Variants in PPP4R3B observed in about 807,000 individuals in gnomAD.
The protein encoded by PPP4R3B is protein phosphatase 4 regulatory subunit 3B.
Under a neutral mutation model 95.4 loss-of-function variants are expected in PPP4R3B, and 52 were observed. The observed-to-expected ratio is 0.54, with a 90% CI of 0.44 to 0.69. The LOEUF is 0.69. PPP4R3B is among the 30% of genes least tolerant of loss of function. The pLI is 0.00. For synonymous variants in PPP4R3B, 407 were observed against 343.9 expected, an observed-to-expected ratio of 1.18 and a Z score of -2.03; for missense variants, 1,003 against 1,005.9, an observed-to-expected ratio of 1.00 and a Z score of 0.04.
intron 12 of PPP4R3B, among the ~76,000 whole-genome samples, chr2:55,573,309 C>T (rs969290328): frequency 6.6e-6 from 1 of 152,060 alleles, no homozygotes; most frequent in African/African-American, 2.4e-5. Context: ...GAGTGACTGA[C>T]TACTAAATGA....
intron 12 of PPP4R3B, among the ~76,000 whole-genome samples, chr2:55,571,375 G>A (rs1259252423): frequency 6.6e-6 from 1 of 152,108 alleles, no homozygotes; most frequent in Non-Finnish European, 1.5e-5. Flanking sequence ...TGCAGTCATC[G>A]AAAAGTACTA....
intron 10 of PPP4R3B, 48 bp from the exon 11 acceptor site, chr2:55,577,404 C>T (rs997278068): frequency 4.4e-6 from 6 of 1,369,798 alleles, no homozygotes; most frequent in African/African-American, 3.0e-5. Flanking sequence ...GTAATAATAT[C>T]CCAGATTTCC....
At chr2:55,593,001 A>G (rs1691250371) in intron 4 of PPP4R3B, among the ~76,000 whole-genome samples, 1 of 152,122 alleles carries the variant, frequency 6.6e-6, no homozygotes, top group African/African-American at 2.4e-5. Context: ...TATACTAAAA[A>G]TACAAAAATT....
At chr2:55,572,298 T>A (rs1417130770) in intron 12 of PPP4R3B, among the ~76,000 whole-genome samples, 1 of 152,178 alleles carries the variant, frequency 6.6e-6, no homozygotes, top group Non-Finnish European at 1.5e-5. Context: ...CATAAGGAAA[T>A]TTTAAAGTTA....
rs1463824969 is a variant in PPP4R3B, at chr2:55,549,418, A to AT, written c.*492dup. 1.3e-5 allele frequency: 2 copies of AT among 153,436 alleles called. No individual in the cohort carries two copies. Among genetic ancestry groups the AT allele is most frequent in the Non-Finnish European group, 2.9e-5 (2 of 68,598 alleles). The allele number at this position is 153,436 out of a possible 1,614,324, so 9.5% of individuals were successfully genotyped here. ...GAAATGGTCCCAACAGCTTAACTTC[A>AT]TTTTTTTAATGATAGTTGAATGTGT... On this transcript the variant is annotated 3_prime_UTR_variant, in exon 17 of 17. Transcript: ENST00000616407.
intron 4 of PPP4R3B, among the ~76,000 whole-genome samples, chr2:55,595,213 G>T (rs1387388429): frequency 1.3e-5 from 2 of 151,708 alleles, no homozygotes; most frequent in Non-Finnish European, 1.5e-5. Context: ...TAGTAGAGAT[G>T]GAGTTTCGCC....
chr2:55,609,787 A>T (rs754760370), intron 2 of PPP4R3B, among the ~76,000 whole-genome samples: 3 of 152,152 alleles, frequency 2.0e-5, no homozygotes, highest in Non-Finnish European at 4.4e-5. Context: ...ACAGTATGCT[A>T]CCAGTTATAC....
At chr2:55,555,707 A>G (rs1685764419) in intron 16 of PPP4R3B, among the ~76,000 whole-genome samples, 1 of 152,242 alleles carries the variant, frequency 6.6e-6, no homozygotes, top group Non-Finnish European at 1.5e-5. Context: ...AAAAGCTGCA[A>G]ACAACTTTAA....
At chr2:55,554,222 G>A (rs371998600) in intron 16 of PPP4R3B, among the ~76,000 whole-genome samples, 4 of 152,128 alleles carry the variant, frequency 2.6e-5, no homozygotes, top group Admixed American at 2.0e-4. Context: ...GTGCCACCAT[G>A]TCCAGCTAAT....
intron 3 of PPP4R3B, among the ~76,000 whole-genome samples, chr2:55,602,498 T>TG: frequency 6.6e-6 from 1 of 152,286 alleles, no homozygotes; most frequent in East Asian, 1.9e-4. Flanking sequence ...TGCTATGTGG[T>TG]GGGGGCCTTG....
chr2:55,552,107 G>C (rs900909828), intron 16 of PPP4R3B, among the ~76,000 whole-genome samples: 11 of 152,076 alleles, frequency 7.2e-5, no homozygotes, highest in African/African-American at 2.7e-4. Context: ...TACAATTTGA[G>C]TTTTACTTAT....
chr2:55,581,541 AT>A, intron 8 of PPP4R3B, 25 bp downstream of exon 8: 1 of 1,600,248 alleles, frequency 6.2e-7, no homozygotes. Context: ...AGGCCAAAAC[AT>A]TTTTATCTCA....
chr2:55,592,475 C>A (rs547463693), intron 4 of PPP4R3B, among the ~76,000 whole-genome samples: 2 of 152,204 alleles, frequency 1.3e-5, no homozygotes, highest in East Asian at 3.9e-4. Context: ...GTACTTGAAT[C>A]CAAAGAAAAA....
intron 4 of PPP4R3B, among the ~76,000 whole-genome samples, chr2:55,589,672 T>C (rs1281192110): frequency 1.3e-5 from 2 of 151,874 alleles, no homozygotes; most frequent in African/African-American, 2.4e-5. Context: ...TCCCAGCACT[T>C]TGGAAGGCCG....
intron 4 of PPP4R3B, chr2:55,591,401 C>A (rs1412963385): frequency 2.2e-6 from 1 of 456,344 alleles, no homozygotes; most frequent in Admixed American, 6.4e-5. Flanking sequence ...CCTCAGCCTC[C>A]CAAAGTGCTA....
intron 2 of PPP4R3B, among the ~76,000 whole-genome samples, chr2:55,612,718 G>T (rs1694340901): frequency 6.6e-6 from 1 of 152,136 alleles, no homozygotes; most frequent in Non-Finnish European, 1.5e-5. Flanking sequence ...GCCGAGGCGG[G>T]CGGATCACGA....
chr2:55,593,512 T>C (rs1187640267), intron 4 of PPP4R3B, among the ~76,000 whole-genome samples: 1 of 152,172 alleles, frequency 6.6e-6, no homozygotes, highest in South Asian at 2.1e-4. Flanking sequence ...CACAGGTAAG[T>C]GTACTAGATA....
At chr2:55,579,172 G>C (rs57883523) in intron 9 of PPP4R3B, among the ~76,000 whole-genome samples, 3,933 of 152,028 alleles carry the variant, frequency 0.026, 167 homozygotes, top group African/African-American at 0.089. Context: ...TACGGGTGCC[G>C]ATTACATAAG....
In PPP4R3B at chr2:55,605,077, T is replaced by C. The variant is rs951314954; in HGVS notation, c.199-1001A>G. ...AACTCCAACTCCTGGGCTCAAGCGA[T>C]CCGCCTGCCTCGACCTCCCAAAGTG... is the stretch of plus-strand genomic sequence containing the variant. On this transcript the variant is annotated intron_variant, in intron 2 of 16. Transcript: ENST00000616407. Among the ~76,000 whole-genome samples, 8 of 152,184 alleles carry C rather than the reference T, an allele frequency of 5.3e-5. No homozygotes were observed. In the East Asian group the frequency reaches 1.5e-3, roughly 29 times the overall value.
Sources: gnomAD v4.1 joint callset for allele counts (sites outside exome capture counted in the v4.1 genomes callset) on GRCh38, gnomAD v4.1.1 for gene constraint, MANE v1.5 for transcripts, NCBI Gene and HGNC (gene_info 2026-07-23, HGNC 2026-07-21) for gene names.